CSMD1: variants seen among roughly 807,000 people sequenced by gnomAD.
CSMD1 encodes CUB and Sushi multiple domains 1, also known as CUB and sushi domain-containing protein 1.
CSMD1 carries 213 observed loss-of-function variants against 417.5 expected under a neutral mutation model. The observed-to-expected ratio is 0.51, with a 90% CI of 0.46 to 0.57. The LOEUF is 0.57. CSMD1 is among the 20% of genes least tolerant of loss of function. The pLI, the probability that CSMD1 is intolerant of heterozygous loss-of-function variation, is 0.00. For missense variants in CSMD1, 6,923 were observed against 4,529.7 expected, an observed-to-expected ratio of 1.53 and a Z score of -15.17; for synonymous variants, 2,862 against 1,736.8, an observed-to-expected ratio of 1.65 and a Z score of -16.11.
chr8:4,535,875 G>C (rs1023134678), intron 2 of CSMD1, among the ~76,000 whole-genome samples: 4 of 152,078 alleles, frequency 2.6e-5, no homozygotes, highest in South Asian at 2.1e-4. Flanking sequence ...GGGTTACTGA[G>C]CTTTTACTTC....
At chr8:4,764,872 C>CAAAAAAAAAAAAAAAAAAAAAAAAAA (rs1194894751) in intron 1 of CSMD1, among the ~76,000 whole-genome samples, 1 of 50,938 alleles carries the variant, frequency 2.0e-5, no homozygotes, top group Non-Finnish European at 3.5e-5. Flanking sequence ...GACTCCATCT[C>CAAAAAAAAAAAAAAAAAAAAAAAAAA]AAAAAAAAAA....
chr8:3,638,683 A>G (rs1377811928), intron 7 of CSMD1, among the ~76,000 whole-genome samples: 2 of 152,154 alleles, frequency 1.3e-5, no homozygotes, highest in Non-Finnish European at 2.9e-5. Context: ...TCTGTGGACC[A>G]GAAAGTCGAC....
intron 5 of CSMD1, among the ~76,000 whole-genome samples, chr8:3,847,060 G>GC (rs1803558193): frequency 1.3e-5 from 2 of 152,120 alleles, no homozygotes; most frequent in Admixed American, 1.3e-4. Context: ...AGGTTTAGAA[G>GC]CCCTTCCAGG....
chr8:4,571,152 C>T (rs1798875688), intron 2 of CSMD1, among the ~76,000 whole-genome samples: 1 of 152,136 alleles, frequency 6.6e-6, no homozygotes, highest in Non-Finnish European at 1.5e-5. Context: ...TTCAGTTCTG[C>T]TCTGATCTTA....
At chr8:4,452,951 T>G (rs1408142406) in intron 2 of CSMD1, among the ~76,000 whole-genome samples, 1 of 152,178 alleles carries the variant, frequency 6.6e-6, no homozygotes, top group African/African-American at 2.4e-5. Flanking sequence ...ATAGCGTTGA[T>G]TTTTCAATTT....
intron 10 of CSMD1, among the ~76,000 whole-genome samples, chr8:3,520,638 C>A (rs1253222391): frequency 6.6e-6 from 1 of 152,140 alleles, no homozygotes; most frequent in Non-Finnish European, 1.5e-5. Context: ...TCCTGGTTCA[C>A]CTGCATCTCC....
At chr8:4,564,510 A>G (rs1372850842) in intron 2 of CSMD1, among the ~76,000 whole-genome samples, 1 of 152,146 alleles carries the variant, frequency 6.6e-6, no homozygotes, top group Non-Finnish European at 1.5e-5. Flanking sequence ...TACTTTATCT[A>G]TTATAATTGT....
At chr8:3,290,971 T>TAAG (rs748501163) in intron 25 of CSMD1, among the ~76,000 whole-genome samples, 8 of 152,194 alleles carry the variant, frequency 5.3e-5, no homozygotes, top group Non-Finnish European at 1.0e-4. Context: ...TTGTCATAGA[T>TAAG]AGCTCTTATT....
chr8:4,710,280 G>A (rs1808203871), intron 1 of CSMD1, among the ~76,000 whole-genome samples: 1 of 151,126 alleles, frequency 6.6e-6, no homozygotes, highest in African/African-American at 2.4e-5. Context: ...ACATTTGCAT[G>A]TTAAATATAT....
chr8:4,276,970 A>T (rs1796521103), intron 3 of CSMD1, among the ~76,000 whole-genome samples: 1 of 152,206 alleles, frequency 6.6e-6, no homozygotes, highest in South Asian at 2.1e-4. Flanking sequence ...ATGAAAACAA[A>T]CTACATATTT....
chr8:3,066,972 G>C (rs914662687), intron 49 of CSMD1, among the ~76,000 whole-genome samples: 7 of 152,222 alleles, frequency 4.6e-5, no homozygotes, highest in East Asian at 3.9e-4. Flanking sequence ...CTAATAAAGA[G>C]GTACAGACTG....
rs898621314 is a variant in CSMD1, at chr8:4,248,456, T to C, written c.415+171497A>G. Among the ~76,000 whole-genome samples, 3 of 152,126 alleles carry C rather than the reference T, an allele frequency of 2.0e-5. No individual in the cohort carries two copies. The East Asian group carries it at 5.8e-4, about 29-fold the overall frequency. ...TTGAACATAAGATCCTAATTAAAAG[T>C]AAAAAGGTCAGTCGTTACTTACGAA... On this transcript the variant is annotated intron_variant, in intron 3 of 69. Transcript: ENST00000635120.
chr8:4,355,276 C>G (rs561694789), intron 3 of CSMD1, among the ~76,000 whole-genome samples: 10 of 151,232 alleles, frequency 6.6e-5, no homozygotes, highest in Non-Finnish European at 1.0e-4. Context: ...ATAAATATAC[C>G]TTTTGTGGAC....
At chr8:4,597,627 T>A (rs1238934629) in intron 2 of CSMD1, among the ~76,000 whole-genome samples, 1 of 152,180 alleles carries the variant, frequency 6.6e-6, no homozygotes, top group African/African-American at 2.4e-5. Flanking sequence ...ACCAAAATTA[T>A]GTACTTGAGA....
chr8:4,090,609 G>A (rs947025308), intron 3 of CSMD1, among the ~76,000 whole-genome samples: 2 of 152,092 alleles, frequency 1.3e-5, no homozygotes, highest in Non-Finnish European at 1.5e-5. Context: ...TGTGATACAC[G>A]AATTCTCAGA....
At chr8:3,685,440 A>G (rs1405182663) in intron 7 of CSMD1, among the ~76,000 whole-genome samples, 2 of 152,162 alleles carry the variant, frequency 1.3e-5, no homozygotes, top group African/African-American at 4.8e-5. Flanking sequence ...GATTACTGCC[A>G]AGGAAGAAGG....
At chr8:4,781,411 T>C (rs950445927) in intron 1 of CSMD1, among the ~76,000 whole-genome samples, 2 of 152,200 alleles carry the variant, frequency 1.3e-5, no homozygotes, top group African/African-American at 4.8e-5. Context: ...CATCCAAGAA[T>C]GCTTACTGTC....
intron 3 of CSMD1, among the ~76,000 whole-genome samples, chr8:4,248,738 G>A (rs929989513): frequency 6.6e-5 from 10 of 152,084 alleles, no homozygotes; most frequent in African/African-American, 2.4e-4. Context: ...TCTATCAACT[G>A]ACATTACATT....
At chr8:3,339,942 A>G (rs1329907437) in intron 23 of CSMD1, among the ~76,000 whole-genome samples, 1 of 152,194 alleles carries the variant, frequency 6.6e-6, no homozygotes, top group East Asian at 1.9e-4. Flanking sequence ...ACACTTTTAA[A>G]GTTTTATTTT....
Sources: gnomAD v4.1 joint callset for allele counts (sites outside exome capture counted in the v4.1 genomes callset) on GRCh38, gnomAD v4.1.1 for gene constraint, MANE v1.5 for transcripts, NCBI Gene and HGNC (gene_info 2026-07-23, HGNC 2026-07-21) for gene names.